SETD4: variants seen among roughly 807,000 people sequenced by gnomAD.
SETD4 encodes the protein SET domain containing 4, also known as SET domain-containing protein 4.
SETD4 carries 46 observed loss-of-function variants against 58.3 expected under a neutral mutation model. The observed-to-expected ratio is 0.79, with a 90% CI of 0.62 to 1.01. SETD4 has a LOEUF of 1.01. Among genes scored for constraint, SETD4 ranks in the 50% least tolerant of loss-of-function variants. The pLI is 0.00. For missense variants in SETD4, 490 were observed against 523.3 expected, an observed-to-expected ratio of 0.94 and a Z score of 0.62; for synonymous variants, 190 against 202.6, an observed-to-expected ratio of 0.94 and a Z score of 0.53.
chr21:36,059,985 G>C, intron 1 of SETD4: 9 of 985,636 alleles, frequency 9.1e-6, no homozygotes, highest in African/African-American at 1.7e-5. Context: ...GAAGCCCGGT[G>C]ACCGCCACAG....
intron 10 of SETD4, 154 bp from the exon 11 acceptor site, chr21:36,036,405 A>G: frequency 2.6e-6 from 1 of 388,900 alleles, no homozygotes; most frequent in South Asian, 1.1e-4. Flanking sequence ...CCAGCTCCAG[A>G]ACTTTTTCTA....
At chr21:36,060,187 T>C (rs2065223317) in intron 1 of SETD4, 160 bp downstream of exon 1, 1 of 942,866 alleles carries the variant, frequency 1.1e-6, no homozygotes, top group Non-Finnish European at 1.3e-6. Flanking sequence ...GATGAGAGGT[T>C]ACTGCAGCGC....
intron 4 of SETD4, chr21:36,050,807 A>G: frequency 6.2e-7 from 1 of 1,611,684 alleles, no homozygotes; most frequent in Non-Finnish European, 8.5e-7. Flanking sequence ...AGTATGTTAA[A>G]GAGTCACATG....
At position 36,036,713 on chromosome 21, in the gene SETD4, G is replaced by C. The variant is rs1472071235; in HGVS notation, c.1189-462C>G. ...AACACATCAATGAGAAAGAATGCTT[G>C]AAGTCACACAGTAACTTTTACTTTT... On this transcript the variant is annotated intron_variant, in intron 10 of 11. Transcript: ENST00000332131. 5 of 794,810 alleles carry C rather than the reference G, an allele frequency of 6.3e-6. No individual in the cohort carries two copies. In the South Asian group the frequency reaches 2.9e-4, roughly 46 times the overall value. The allele number at this position is 794,810 out of a possible 1,614,324, so 49.2% of individuals were successfully genotyped here.
At chr21:36,038,693 A>T (rs763632436) in intron 9 of SETD4, among the ~76,000 whole-genome samples, 2 of 152,198 alleles carry the variant, frequency 1.3e-5, no homozygotes, top group African/African-American at 2.4e-5. Flanking sequence ...TCTGTCCAAA[A>T]TAGTAGCAAA....
At position 36,045,504 on chromosome 21, in the gene SETD4, A is replaced by C. The variant is rs746280940; in HGVS notation, c.726+78T>G. On this transcript the variant is annotated intron_variant, in intron 6 of 11. Coordinates refer to ENST00000332131, the MANE Select transcript of SETD4 (RefSeq NM_017438.5). ...GACACCTCTCCCTGTGGTGCCACCC[A>C]CATCTACAGCCACAGGTTCTGGGCA... The C allele has an allele frequency of 1.1e-4, 165 of 1,532,684 alleles. 1 individual carries two copies. The highest frequency in any genetic ancestry group is 9.4e-4 in the Middle Eastern group (4 of 4,256). 94.9% of individuals were successfully genotyped at this position (1,532,684 alleles called of 1,614,324 possible).
At chr21:36,041,970 C>A in intron 7 of SETD4, 82 bp from the exon 8 acceptor site, 1 of 716,404 alleles carries the variant, frequency 1.4e-6, no homozygotes, top group Non-Finnish European at 2.3e-6. Context: ...AACTCACTTC[C>A]TTTCCCTTTA....
intron 4 of SETD4, chr21:36,053,047 C>G (rs2064796373): frequency 6.5e-6 from 1 of 153,418 alleles, no homozygotes; most frequent in African/African-American, 2.4e-5. Flanking sequence ...CCCCTCCTCG[C>G]TAACGGAATC....
Position 36,060,487 on chromosome 21 carries a change from C to G in SETD4, c.-177G>C, listed in dbSNP as rs1390832538. ...AGGGAGAGGCTGAAGGCTGTCGCGC[C>G]TGCCTGGTGTCCTTAAGCAATCCAA... On this transcript the variant is annotated 5_prime_UTR_variant, in exon 1 of 12. Transcript: ENST00000332131. 1.3e-5 allele frequency: 2 copies of G among 152,462 alleles called. No homozygotes were observed. Among genetic ancestry groups the G allele is most frequent in the African/African-American group, 4.8e-5 (2 of 41,478 alleles). The allele number at this position is 152,462 out of a possible 1,614,324, so 9.4% of individuals were successfully genotyped here. A position where few individuals can be genotyped will look rare whatever the true frequency, so the allele number is the denominator to read the frequency against.
intron 4 of SETD4, among the ~76,000 whole-genome samples, chr21:36,052,180 C>T (rs2064732457): frequency 6.6e-6 from 1 of 152,092 alleles, no homozygotes; most frequent in African/African-American, 2.4e-5. Context: ...ACTATGCTTG[C>T]ATTTTAAAGA....
At chr21:36,055,020 AC>A (rs779502683) in intron 3 of SETD4, among the ~76,000 whole-genome samples, 5 of 152,268 alleles carry the variant, frequency 3.3e-5, no homozygotes, top group Non-Finnish European at 5.9e-5. Context: ...CCAGGAGGAC[AC>A]TGTCTGCTTA....
chr21:36,038,102 T>G (rs747523532), intron 10 of SETD4, 48 bp downstream of exon 10: 2 of 1,583,882 alleles, frequency 1.3e-6, no homozygotes, highest in Non-Finnish European at 1.7e-6. Flanking sequence ...AACAAGGAAC[T>G]GCTGAATCAA....
rs541295186 is a variant in SETD4, at chr21:36,046,000, G to T, written c.308C>A (p.Pro103His). 8 of 1,611,864 alleles carry T rather than the reference G, an allele frequency of 5.0e-6. No individual in the cohort carries two copies. The African/African-American group carries it at 1.1e-4, about 22-fold the overall frequency. The change falls in exon 6 of 12, where the codon CCT becomes CAT. Residue 103 changes from proline (P) to histidine (H), a missense_variant. Coordinates refer to ENST00000332131, the MANE Select transcript of SETD4 (RefSeq NM_017438.5). ...GCACAGCGCCAGCAGAGGAGATGGA[G>T]GAGGCTTCCACCTTTGAAAATTAAA... is the stretch of plus-strand genomic sequence containing the variant. Reference protein sequence around the residue: ...LGAYITKWKPPPSPLLALCTF... With the variant: ...LGAYITKWKPHPSPLLALCTF...
At chr21:36,048,420 G>A in intron 4 of SETD4, 24 bp from the exon 5 acceptor site, 1 of 1,607,828 alleles carries the variant, frequency 6.2e-7, no homozygotes. Context: ...AAGTAAAGTT[G>A]AGGACGCCTA....
At chr21:36,050,282 TCAAA>T (rs2064589061) in intron 4 of SETD4, 7 of 1,593,562 alleles carry the variant, frequency 4.4e-6, no homozygotes, top group African/African-American at 4.0e-5. Flanking sequence ...AAGACTATCC[TCAAA>T]CAGAGATTTT....
rs1309731336 is a variant in SETD4 at position 36,043,958 on chromosome 21, TA to T, written c.727-3del. 1.2e-6 allele frequency: 2 copies of T among 1,613,366 alleles called. No homozygotes were observed. Among genetic ancestry groups the T allele is most frequent in the Non-Finnish European group, 1.7e-6 (2 of 1,179,732 alleles). ...TTCTTCATTAAACGCTGCTTTTACCTAGAAAGAAAAACTGTTAAGGTATTTT... is the reference window on the plus strand; with the variant it reads ...TTCTTCATTAAACGCTGCTTTTACCTGAAAGAAAAACTGTTAAGGTATTTT... On this transcript the variant is annotated splice_polypyrimidine_tract_variant and splice_region_variant and intron_variant, in intron 6 of 11. Coordinates refer to ENST00000332131, the MANE Select transcript of SETD4 (RefSeq NM_017438.5).
At chr21:36,050,683 T>C (rs1182869071) in intron 4 of SETD4, 25 of 1,601,704 alleles carry the variant, frequency 1.6e-5, no homozygotes, top group Admixed American at 3.3e-5. Flanking sequence ...TTCCCAATGG[T>C]AGTAAAGAAT....
intron 5 of SETD4, among the ~76,000 whole-genome samples, chr21:36,047,870 G>A (rs2064416194): frequency 6.6e-6 from 1 of 151,284 alleles, no homozygotes; most frequent in African/African-American, 2.4e-5. Flanking sequence ...GCTGGGCGTG[G>A]TGGCAGGCAC....
rs567271045 is a variant in SETD4, at chr21:36,054,905, C to T, written c.170-1285G>A. ...CTCAAGTCTTCCATCAGCTTCCTGG[C>T]AGGTTGGATTTGATGCTCCTGGCTC... On this transcript the variant is annotated intron_variant, in intron 3 of 11. Coordinates refer to ENST00000332131, the MANE Select transcript of SETD4 (RefSeq NM_017438.5). 2.6e-5 allele frequency among the ~76,000 whole-genome samples: 4 copies of T among 150,986 alleles called. No homozygotes were observed. In the East Asian group the frequency reaches 7.9e-4, roughly 30 times the overall value.
Sources: gnomAD v4.1 joint callset for allele counts (sites outside exome capture counted in the v4.1 genomes callset) on GRCh38, gnomAD v4.1.1 for gene constraint, MANE v1.5 for transcripts, NCBI Gene and HGNC (gene_info 2026-07-23, HGNC 2026-07-21) for gene names.